ZDHHC3: variants seen among roughly 807,000 people sequenced by gnomAD.
ZDHHC3 encodes the protein palmitoyltransferase ZDHHC3.
A neutral mutation model predicts 30.6 loss-of-function variants in ZDHHC3; 9 were observed. That is an observed-to-expected ratio of 0.29 (90% CI 0.18 to 0.51). ZDHHC3 has a LOEUF of 0.51. ZDHHC3 is among the 20% of genes least tolerant of loss of function. The pLI is 0.97. For missense variants in ZDHHC3, 246 were observed against 384.2 expected, an observed-to-expected ratio of 0.64 and a Z score of 3.01; for synonymous variants, 136 against 140.2, an observed-to-expected ratio of 0.97 and a Z score of 0.21.
At position 44,945,184 on chromosome 3, in the gene ZDHHC3, G is replaced by T. The variant is rs1241249608; in HGVS notation, c.415C>A (p.Arg139=). The T allele has an allele frequency of 2.5e-6, 4 of 1,613,936 alleles. No individual in the cohort carries two copies. In the African/African-American group the frequency reaches 5.3e-5, roughly 22 times the overall value. The change falls in exon 3 of 7, where the codon CGA becomes AGA. Residue 139 remains arginine (R), a synonymous_variant. Coordinates refer to ENST00000424952, the MANE Select transcript of ZDHHC3 (RefSeq NM_001135179.2). ...CPKCCSIKPD[R]AHHCSVCKRC... ...TGAGTGTACCTGCAGTGGTGGGCTCGGTCGGGCTTGATGCTGCAGCATTTG... is the reference window on the plus strand; with the variant it reads ...TGAGTGTACCTGCAGTGGTGGGCTCTGTCGGGCTTGATGCTGCAGCATTTG...
intron 3 of ZDHHC3, among the ~76,000 whole-genome samples, chr3:44,936,718 G>A (rs1701990095): frequency 6.6e-6 from 1 of 152,196 alleles, no homozygotes; most frequent in Non-Finnish European, 1.5e-5. Flanking sequence ...TCTACCTGAA[G>A]GTGGAGGGTA....
At position 44,953,338 on chromosome 3, in the gene ZDHHC3, T is replaced by C. The variant is rs1006910173; in HGVS notation, c.306+5793A>G. Among the ~76,000 whole-genome samples the C allele has an allele frequency of 2.0e-5, 3 of 152,346 alleles. No homozygotes were observed. The East Asian group carries it at 5.8e-4, about 29-fold the overall frequency. On this transcript the variant is annotated intron_variant, in intron 2 of 6. Transcript: ENST00000424952. Reference sequence around the variant, plus strand: ...ATTTTAATTGCCTGATGTCACAACATCATTCTACCACCACCAACTACCTCA... The same window carrying C: ...ATTTTAATTGCCTGATGTCACAACACCATTCTACCACCACCAACTACCTCA...
At chr3:44,960,370 T>C (rs1704370150) in intron 1 of ZDHHC3, among the ~76,000 whole-genome samples, 1 of 152,166 alleles carries the variant, frequency 6.6e-6, no homozygotes, top group African/African-American at 2.4e-5. Context: ...ATCATAACAC[T>C]CTGTACACCT....
chr3:44,971,034 T>C (rs1178168895), intron 1 of ZDHHC3, among the ~76,000 whole-genome samples: 2 of 152,220 alleles, frequency 1.3e-5, no homozygotes, highest in South Asian at 2.1e-4. Flanking sequence ...CTACCATAGA[T>C]TGTTATCTTC....
intron 5 of ZDHHC3, among the ~76,000 whole-genome samples, chr3:44,929,872 C>T (rs576626898): frequency 6.6e-6 from 1 of 152,234 alleles, no homozygotes; most frequent in Non-Finnish European, 1.5e-5. Context: ...GTTTTCTGGG[C>T]ATTCCTGTAT....
At chr3:44,937,653 C>G in intron 3 of ZDHHC3, 1 of 151,018 alleles carries the variant, frequency 6.6e-6, no homozygotes, top group South Asian at 2.1e-4. Context: ...TGGGTTCATC[C>G]AACACCAGCT....
At chr3:44,931,461 C>T (rs112014501) in intron 5 of ZDHHC3, among the ~76,000 whole-genome samples, 62 of 152,296 alleles carry the variant, frequency 4.1e-4, no homozygotes, top group African/African-American at 1.4e-3. Context: ...CCTCCCTACC[C>T]TTCTTTAAAT....
At chr3:44,954,763 T>C (rs545893117) in intron 2 of ZDHHC3, among the ~76,000 whole-genome samples, 2 of 152,140 alleles carry the variant, frequency 1.3e-5, no homozygotes, top group South Asian at 4.2e-4. Flanking sequence ...AAAGAAACAA[T>C]CTACATCTGT....
chr3:44,964,662 G>A (rs887934450), intron 1 of ZDHHC3, among the ~76,000 whole-genome samples: 6 of 152,206 alleles, frequency 3.9e-5, no homozygotes, highest in Non-Finnish European at 5.9e-5. Flanking sequence ...CAAGACAGAT[G>A]AGAGGTCTGC....
At position 44,921,461 on chromosome 3, in the gene ZDHHC3, T is replaced by C. The variant is rs1475188583; in HGVS notation, c.*5228A>G. On this transcript the variant is annotated 3_prime_UTR_variant, in exon 7 of 7. Transcript: ENST00000424952. Reference sequence around the variant, plus strand: ...TTTTTCTGTTGCATTCCAGAACACATATACACACAACTCCCTAAGCTTCAT... The same window carrying C: ...TTTTTCTGTTGCATTCCAGAACACACATACACACAACTCCCTAAGCTTCAT... The C allele has an allele frequency of 4.1e-6, 4 of 985,324 alleles. No individual in the cohort carries two copies. The highest frequency in any genetic ancestry group is 1.7e-5 in the African/African-American group (1 of 57,236). 61.0% of individuals were successfully genotyped at this position (985,324 alleles called of 1,614,324 possible). A position where few individuals can be genotyped will look rare whatever the true frequency, so the allele number is the denominator to read the frequency against.
Position 44,923,380 on chromosome 3 carries a change from T to C in ZDHHC3, c.*3309A>G. 1 of 985,376 alleles carries C rather than the reference T, an allele frequency of 1.0e-6. No homozygotes were observed. Among genetic ancestry groups the C allele is most frequent in the Non-Finnish European group, 1.2e-6 (1 of 829,924 alleles). 61.0% of individuals were successfully genotyped at this position (985,376 alleles called of 1,614,324 possible). On this transcript the variant is annotated 3_prime_UTR_variant, in exon 7 of 7. Transcript: ENST00000424952. The stretch of plus-strand genomic sequence containing the variant: ...CGTGAGGGATGTCCACAGTGAGAAG[T>C]GTCCGCGCCCGGCTTAAAATGTTTG...
In ZDHHC3 at chr3:44,921,726, G is replaced by A. The variant is rs765003325; in HGVS notation, c.*4963C>T. 92 of 958,608 alleles carry A rather than the reference G, an allele frequency of 9.6e-5. No homozygotes were observed. Among genetic ancestry groups the A allele is most frequent in the Non-Finnish European group, 1.1e-4 (87 of 805,788 alleles). 59.4% of individuals were successfully genotyped at this position (958,608 alleles called of 1,614,324 possible). A position where few individuals can be genotyped will look rare whatever the true frequency, so the allele number is the denominator to read the frequency against. ...CCCGTTTTCAGATGAAAAAACTGAG[G>A]CTTAAAGAAGTTACTGCTCAAGGTC... On this transcript the variant is annotated 3_prime_UTR_variant, in exon 7 of 7. Coordinates refer to ENST00000424952, the MANE Select transcript of ZDHHC3 (RefSeq NM_001135179.2).
chr3:44,955,477 G>GTA (rs1320583117), intron 2 of ZDHHC3, among the ~76,000 whole-genome samples: 34 of 98,600 alleles, frequency 3.4e-4, no homozygotes, highest in East Asian at 2.6e-3. Flanking sequence ...ATATATATAT[G>GTA]TATATATATA....
At chr3:44,955,188 T>C (rs538154054) in intron 2 of ZDHHC3, among the ~76,000 whole-genome samples, 1 of 152,270 alleles carries the variant, frequency 6.6e-6, no homozygotes, top group East Asian at 1.9e-4. Context: ...TTTGTCCTCC[T>C]CCCTCTGTTT....
intron 3 of ZDHHC3, among the ~76,000 whole-genome samples, chr3:44,941,231 T>C (rs915094464): frequency 6.6e-6 from 1 of 152,200 alleles, no homozygotes; most frequent in African/African-American, 2.4e-5. Context: ...GTTTTCATTT[T>C]ACCCCTCACT....
rs553685665 is a variant in ZDHHC3 at position 44,957,408 on chromosome 3, G to A, written c.306+1723C>T. Among the ~76,000 whole-genome samples the A allele has an allele frequency of 2.1e-4, 32 of 152,274 alleles. No individual in the cohort carries two copies. The South Asian group carries it at 6.4e-3, about 31-fold the overall frequency. ...CTATTCATTTTATTCCCACACCAGTGCCACTCCTCCTCACTACTGCCAGAA... is the reference window on the plus strand; with the variant it reads ...CTATTCATTTTATTCCCACACCAGTACCACTCCTCCTCACTACTGCCAGAA... On this transcript the variant is annotated intron_variant, in intron 2 of 6. Transcript: ENST00000424952.
At chr3:44,935,175 G>A (rs1270626560) in intron 3 of ZDHHC3, among the ~76,000 whole-genome samples, 1 of 152,124 alleles carries the variant, frequency 6.6e-6, no homozygotes, top group East Asian at 1.9e-4. Context: ...TTAATCTGAG[G>A]AATGTGAGCC....
chr3:44,975,770 T>TCA lies in ZDHHC3; in HGVS notation c.-25+162_-25+163insTG, dbSNP rs3082727. ...GGGTCTCTCTCTCTCTCTCTCTCTCTCTCACACACACACACACACACACAC... is the reference window on the plus strand; with the variant it reads ...GGGTCTCTCTCTCTCTCTCTCTCTCTCACTCACACACACACACACACACACAC... On this transcript the variant is annotated intron_variant, in intron 1 of 6. Transcript: ENST00000424952. 3.2e-3 allele frequency among the ~76,000 whole-genome samples: 360 copies of TCA among 111,510 alleles called. 3 individuals are homozygous for TCA. Among genetic ancestry groups the TCA allele is most frequent in the African/African-American group, 7.9e-3 (239 of 30,246 alleles). 73.2% of individuals were successfully genotyped at this position (111,510 alleles called of 152,430 possible).
At chr3:44,927,214 A>C (rs1281647064) in intron 6 of ZDHHC3, among the ~76,000 whole-genome samples, 1 of 152,284 alleles carries the variant, frequency 6.6e-6, no homozygotes, top group East Asian at 1.9e-4. Context: ...TGGGCTGTGG[A>C]TGGAGTACTA....
Sources: gnomAD v4.1 joint callset for allele counts (sites outside exome capture counted in the v4.1 genomes callset) on GRCh38, gnomAD v4.1.1 for gene constraint, MANE v1.5 for transcripts, NCBI Gene and HGNC (gene_info 2026-07-23, HGNC 2026-07-21) for gene names.